CSMD3: variants seen among roughly 807,000 people sequenced by gnomAD.
The protein encoded by CSMD3 is CUB and sushi domain-containing protein 3.
In CSMD3, 177 loss-of-function variants were observed where a neutral mutation model predicts 435.2. The ratio of observed to expected loss-of-function variants is 0.41; its 90% CI spans 0.36 to 0.46. The LOEUF is 0.46. Among genes scored for constraint, CSMD3 ranks in the 20% least tolerant of loss-of-function variants. The probability of loss-of-function intolerance (pLI) is 0.34; values close to 1 mark genes in which losing one functional copy is unlikely to be tolerated. For missense variants in CSMD3, 4,265 were observed against 4,504.6 expected (o/e 0.95, Z 1.52); for synonymous variants, 1,656 against 1,520.5 (o/e 1.09, Z -2.07).
At chr8:112,438,951 T>C (rs1563946486) in intron 32 of CSMD3, among the ~76,000 whole-genome samples, 1 of 152,214 alleles carries the variant, frequency 6.6e-6, no homozygotes, top group Non-Finnish European at 1.5e-5. Flanking sequence ...GAATAGGTTT[T>C]AGCCCTTAGT....
At chr8:112,700,711 G>A (rs988218712) in intron 13 of CSMD3, among the ~76,000 whole-genome samples, 3 of 152,020 alleles carry the variant, frequency 2.0e-5, no homozygotes, top group Admixed American at 6.6e-5. Flanking sequence ...AACAGTTGCC[G>A]TTTTCTTGTC....
At chr8:112,715,407 G>A (rs2076702812) in intron 13 of CSMD3, among the ~76,000 whole-genome samples, 1 of 152,084 alleles carries the variant, frequency 6.6e-6, no homozygotes, top group Admixed American at 6.6e-5. Context: ...CCAACATCAA[G>A]TTCTGAAATC....
At chr8:112,562,372 T>C (rs1828703806) in intron 24 of CSMD3, among the ~76,000 whole-genome samples, 1 of 151,626 alleles carries the variant, frequency 6.6e-6, no homozygotes, top group Non-Finnish European at 1.5e-5. Context: ...AGACTCTTAC[T>C]TGCTTTATTT....
chr8:112,406,607 A>ATAT lies in CSMD3; in HGVS notation c.5723_5725dup (p.Tyr1908_Ile1909insAsn), dbSNP rs1365465318. The ATAT allele has an allele frequency of 1.2e-6, 2 of 1,612,982 alleles. No homozygotes were observed. The highest frequency in any genetic ancestry group is 1.7e-6 in the Non-Finnish European group (2 of 1,179,134). ...CCTAATTGCTATGGATCCATGGAGA[A>ATAT]TATATCCTGGATTACAATCAAAAAG... On this transcript the variant is annotated inframe_insertion, in exon 35 of 71. Coordinates refer to ENST00000297405, the MANE Select transcript of CSMD3 (RefSeq NM_198123.2).
intron 27 of CSMD3, among the ~76,000 whole-genome samples, chr8:112,538,470 G>A (rs1826344898): frequency 1.3e-5 from 2 of 151,980 alleles, no homozygotes. Context: ...CAACCAAAAT[G>A]TTGTTAGAAC....
chr8:112,842,987 T>C (rs1022876391), intron 11 of CSMD3, among the ~76,000 whole-genome samples: 28 of 151,850 alleles, frequency 1.8e-4, no homozygotes, highest in Non-Finnish European at 3.5e-4. Flanking sequence ...CATGCAATTA[T>C]GGAATTAACT....
intron 11 of CSMD3, among the ~76,000 whole-genome samples, chr8:112,835,017 T>C (rs2079980655): frequency 6.6e-6 from 1 of 151,906 alleles, no homozygotes; most frequent in South Asian, 2.1e-4. Context: ...TTGATTTCCA[T>C]TGTGAAATGG....
chr8:112,934,961 T>C lies in CSMD3; in HGVS notation c.1508+12829A>G, dbSNP rs1057246829. Among the ~76,000 whole-genome samples, 4 of 152,136 alleles carry C rather than the reference T, an allele frequency of 2.6e-5. No homozygotes were observed. In the East Asian group the frequency reaches 7.7e-4, roughly 29 times the overall value. ...TTTTTTGCCTGTGCTTTTGGGGTCA[T>C]ATCAAAAAATCATTGCCCAGACCAA... On this transcript the variant is annotated intron_variant, in intron 9 of 70. Coordinates refer to ENST00000297405, the MANE Select transcript of CSMD3 (RefSeq NM_198123.2).
chr8:112,541,165 A>T (rs1449435555), intron 27 of CSMD3, among the ~76,000 whole-genome samples: 1 of 151,970 alleles, frequency 6.6e-6, no homozygotes, highest in African/African-American at 2.4e-5. Context: ...CATAGCAATA[A>T]ACACCTACAT....
At chr8:113,119,030 C>T (rs72685846) in intron 4 of CSMD3, among the ~76,000 whole-genome samples, 16,954 of 151,940 alleles carry the variant, frequency 0.11, 1,030 homozygotes, top group Middle Eastern at 0.18. Flanking sequence ...CATAAGAAGC[C>T]CTGTGAGAAA....
chr8:112,642,057 T>A (rs966280069), intron 20 of CSMD3, among the ~76,000 whole-genome samples: 1 of 152,040 alleles, frequency 6.6e-6, no homozygotes. Flanking sequence ...TAATTCAAGA[T>A]GCCCAATAAA....
chr8:113,302,448 T>C (rs1287255614), intron 2 of CSMD3, among the ~76,000 whole-genome samples: 3 of 150,710 alleles, frequency 2.0e-5, no homozygotes, highest in Non-Finnish European at 4.4e-5. Flanking sequence ...AGAGTATATG[T>C]ACCTTCCTTC....
intron 1 of CSMD3, among the ~76,000 whole-genome samples, chr8:113,343,799 C>A (rs959519489): frequency 6.6e-6 from 1 of 152,026 alleles, no homozygotes; most frequent in East Asian, 1.9e-4. Context: ...AAGCCGGGTG[C>A]GGTGGCTCAT....
intron 13 of CSMD3, among the ~76,000 whole-genome samples, chr8:112,760,342 A>G (rs2077808313): frequency 6.6e-6 from 1 of 152,170 alleles, no homozygotes; most frequent in Admixed American, 6.5e-5. Flanking sequence ...ATAGACCCAG[A>G]TGACTTCAAG....
chr8:113,170,953 G>A (rs1440997421), intron 4 of CSMD3, among the ~76,000 whole-genome samples: 2 of 151,582 alleles, frequency 1.3e-5, no homozygotes, highest in African/African-American at 2.4e-5. Context: ...GTGAAGAGTA[G>A]GGAAGTAAAT....
intron 38 of CSMD3, among the ~76,000 whole-genome samples, chr8:112,364,218 A>T (rs117132161): frequency 0.014 from 2,148 of 152,058 alleles, 32 homozygotes; most frequent in South Asian, 0.035. Context: ...TTTGAGACTA[A>T]TTTTATGCTT....
chr8:113,193,638 G>A (rs1464613499), intron 3 of CSMD3, among the ~76,000 whole-genome samples: 1 of 151,428 alleles, frequency 6.6e-6, no homozygotes, highest in African/African-American at 2.4e-5. Flanking sequence ...TCAGGAGAGA[G>A]TAATAGACCA....
chr8:113,107,375 G>C (rs1283625495), intron 4 of CSMD3, among the ~76,000 whole-genome samples: 1 of 152,188 alleles, frequency 6.6e-6, no homozygotes, highest in South Asian at 2.1e-4. Flanking sequence ...CAAAAGTGCT[G>C]GGATTACAGG....
At chr8:112,686,307 A>G (rs996320547) in intron 14 of CSMD3, among the ~76,000 whole-genome samples, 1 of 152,170 alleles carries the variant, frequency 6.6e-6, no homozygotes, top group Non-Finnish European at 1.5e-5. Context: ...TTGCCATCAC[A>G]CTAAAATGAA....
Sources: gnomAD v4.1 joint callset for allele counts (sites outside exome capture counted in the v4.1 genomes callset) on GRCh38, gnomAD v4.1.1 for gene constraint, MANE v1.5 for transcripts, NCBI Gene and HGNC (gene_info 2026-07-23, HGNC 2026-07-21) for gene names.